The following ITIH5 variants were observed in gnomAD, a reference collection of about 807,000 sequenced individuals.
The protein encoded by ITIH5 is inter-alpha-trypsin inhibitor heavy chain H5.
In ITIH5, 65 loss-of-function variants were observed where a neutral mutation model predicts 77.5. The ratio of observed to expected loss-of-function variants is 0.84; its 90% CI spans 0.69 to 1.03. ITIH5 has a LOEUF of 1.03. Among genes scored for constraint, ITIH5 ranks in the 50% least tolerant of loss-of-function variants. ITIH5 has a pLI of 0.00. For missense variants in ITIH5, 1,208 were observed against 1,213.1 expected (o/e 1.00, Z 0.06); for synonymous variants, 525 against 494.3 (o/e 1.06, Z -0.82).
At position 7,569,665 on chromosome 10, in the gene ITIH5, T is replaced by TTG. The variant is rs1236018607; in HGVS notation, c.2149+2_2149+3insCA. The TTG allele has an allele frequency of 1.3e-6, 2 of 1,593,606 alleles. No homozygotes were observed. Among genetic ancestry groups the TTG allele is most frequent in the South Asian group, 2.3e-5 (2 of 87,826 alleles). On this transcript the variant is annotated splice_region_variant and intron_variant, in intron 12 of 13. Coordinates refer to ENST00000397146, the MANE Select transcript of ITIH5 (RefSeq NM_030569.7). ...AGATGCTGCAGCGGAAGGTAGAACT[T>TTG]ACCAGAGTCCCTGTGATCAGAGACC... is the stretch of plus-strand genomic sequence containing the variant.
chr10:7,577,026 A>T lies in ITIH5; in HGVS notation c.1419-14T>A, dbSNP rs749525309. 1 of 1,595,126 alleles carries T rather than the reference A, an allele frequency of 6.3e-7. No homozygotes were observed. The highest frequency in any genetic ancestry group is 2.2e-5 in the East Asian group (1 of 44,592). On this transcript the variant is annotated splice_polypyrimidine_tract_variant and intron_variant, in intron 9 of 13. Coordinates refer to ENST00000397146, the MANE Select transcript of ITIH5 (RefSeq NM_030569.7). ...TCATCGTAGAACCTGCAGTGGAAGC[A>T]CAGGGAGGGAGGGAGATCAGGGCCC...
chr10:7,610,744 T>C (rs1039109122), intron 7 of ITIH5, among the ~76,000 whole-genome samples: 12 of 152,220 alleles, frequency 7.9e-5, no homozygotes, highest in Non-Finnish European at 1.5e-4. Context: ...ACTGCAAAAA[T>C]AGTCCGCAGA....
chr10:7,561,320 G>C lies in ITIH5; in HGVS notation c.*1763C>G, dbSNP rs1832035819. On this transcript the variant is annotated 3_prime_UTR_variant, in exon 14 of 14. Coordinates refer to ENST00000397146, the MANE Select transcript of ITIH5 (RefSeq NM_030569.7). ...GATCACTGCTCCAAGTGCTCCACAG[G>C]GGACAGGGCCACCTGGCTCCAGGGC... 6.6e-6 allele frequency: 1 copy of C among 152,254 alleles called. No individual in the cohort carries two copies. The highest frequency in any genetic ancestry group is 2.1e-4 in the South Asian group (1 of 4,834). The allele number at this position is 152,254 out of a possible 1,614,324, so 9.4% of individuals were successfully genotyped here.
intron 1 of ITIH5, among the ~76,000 whole-genome samples, chr10:7,656,223 C>A (rs1588431612): frequency 6.6e-6 from 1 of 152,070 alleles, no homozygotes; most frequent in Non-Finnish European, 1.5e-5. Context: ...GTGATGAAAT[C>A]GTCTTTTTTT....
At chr10:7,628,882 CGTGTGTCCGTGT>C (rs1564269164) in intron 5 of ITIH5, among the ~76,000 whole-genome samples, 2 of 133,748 alleles carry the variant, frequency 1.5e-5, no homozygotes, top group African/African-American at 5.6e-5. Flanking sequence ...CGTGTTGTAG[CGTGTGTCCGTGT>C]TGTGGCATGC....
At chr10:7,631,445 G>A (rs1459861996) in intron 5 of ITIH5, among the ~76,000 whole-genome samples, 1 of 152,200 alleles carries the variant, frequency 6.6e-6, no homozygotes, top group Non-Finnish European at 1.5e-5. Flanking sequence ...AGGGACTCAA[G>A]TACCTTTAAG....
rs1348084337 is a variant in ITIH5 at position 7,576,555 on chromosome 10, GC to G, written c.1875del (p.Pro626ArgfsTer65). 1 of 1,613,534 alleles carries G rather than the reference GC, an allele frequency of 6.2e-7. No individual in the cohort carries two copies. The highest frequency in any genetic ancestry group is 8.5e-7 in the Non-Finnish European group (1 of 1,180,004). On this transcript the variant is annotated frameshift_variant, in exon 10 of 14. Transcript: ENST00000397146. LOFTEE classifies it high-confidence loss of function. ...TCCAGGCCATCCATGCGTGGGACCG[GC>G]CCCCTCAGCTTCATGGAGGTGAAGG... Reference protein sequence around the residue: ...LTPFTSMKLRGPVPRMDGLEE... With the variant: ...LTPFTSMKLRXPVPRMDGLEE...
chr10:7,661,311 G>A (rs963390826), intron 1 of ITIH5, among the ~76,000 whole-genome samples: 4 of 152,150 alleles, frequency 2.6e-5, no homozygotes, highest in Non-Finnish European at 1.5e-5. Context: ...CTGAAGTCAT[G>A]CGTTCCTAGA....
At chr10:7,650,360 T>G (rs1431481362) in intron 2 of ITIH5, among the ~76,000 whole-genome samples, 1 of 152,216 alleles carries the variant, frequency 6.6e-6, no homozygotes, top group East Asian at 1.9e-4. Flanking sequence ...CCCTTTGTTT[T>G]AGAGAGAAGG....
intron 5 of ITIH5, chr10:7,619,696 T>G (rs1833440960): frequency 9.2e-6 from 2 of 218,056 alleles, no homozygotes; most frequent in Non-Finnish European, 2.1e-5. Flanking sequence ...AGCGCCGGAC[T>G]TTTAAACCAT....
rs1393417247 is a variant in ITIH5 at position 7,559,359 on chromosome 10, A to G, written c.*3724T>C. ...ACAGACCAATATGTTGTTTGTTTTTATGCATCGTTCTCTTATAAATTTTTT... is the reference window on the plus strand; with the variant it reads ...ACAGACCAATATGTTGTTTGTTTTTGTGCATCGTTCTCTTATAAATTTTTT... On this transcript the variant is annotated 3_prime_UTR_variant, in exon 14 of 14. Transcript: ENST00000397146. 2 of 148,538 alleles carry G rather than the reference A, an allele frequency of 1.3e-5. No individual in the cohort carries two copies. The highest frequency in any genetic ancestry group is 2.9e-5 in the Non-Finnish European group (2 of 68,040). The allele number at this position is 148,538 out of a possible 1,614,324, so 9.2% of individuals were successfully genotyped here.
At chr10:7,650,296 T>A (rs148806442) in intron 2 of ITIH5, among the ~76,000 whole-genome samples, 1 of 152,338 alleles carries the variant, frequency 6.6e-6, no homozygotes, top group African/African-American at 2.4e-5. Flanking sequence ...TTAGCAACCA[T>A]GAGAAGTCAT....
intron 7 of ITIH5, among the ~76,000 whole-genome samples, chr10:7,612,257 G>A (rs1020310692): frequency 1.3e-5 from 2 of 152,066 alleles, no homozygotes; most frequent in Non-Finnish European, 2.9e-5. Context: ...GCAGCTACAC[G>A]CTCCCATATG....
rs76856358 is a variant in ITIH5 at position 7,645,174 on chromosome 10, G to A, written c.136-3084C>T. On this transcript the variant is annotated intron_variant, in intron 2 of 13. Transcript: ENST00000397146. ...ACAAATGGAACAGCTTAACGAAAAC[G>A]TTAGGGGGATGTGCATCTTTCTTAG... Among the ~76,000 whole-genome samples, 5 of 151,764 alleles carry A rather than the reference G, an allele frequency of 3.3e-5. No homozygotes were observed. The South Asian group carries it at 6.2e-4, about 19-fold the overall frequency.
At chr10:7,606,799 G>T (rs1476577215) in intron 7 of ITIH5, among the ~76,000 whole-genome samples, 1 of 152,068 alleles carries the variant, frequency 6.6e-6, no homozygotes, top group Non-Finnish European at 1.5e-5. Flanking sequence ...ACTTCATCCG[G>T]GTAAATCTTA....
chr10:7,644,552 T>TATATCACATATATATCATAC (rs1833951717), intron 2 of ITIH5, among the ~76,000 whole-genome samples: 1 of 136,114 alleles, frequency 7.3e-6, no homozygotes, highest in Non-Finnish European at 1.5e-5. Flanking sequence ...ATATATGATA[T>TATATCACATATATATCATAC]ATCACATATA....
intron 10 of ITIH5, among the ~76,000 whole-genome samples, chr10:7,574,650 G>A (rs1042504863): frequency 1.5e-4 from 23 of 151,814 alleles, no homozygotes; most frequent in Non-Finnish European, 8.8e-5. Context: ...AAAATTAGCC[G>A]GGCGCGGTGG....
Position 7,617,158 on chromosome 10 carries a change from G to A in ITIH5, c.777C>T (p.Ile259=), listed in dbSNP as rs1276996967. 1 of 1,604,292 alleles carries A rather than the reference G, an allele frequency of 6.2e-7. No individual in the cohort carries two copies. Residue 259 remains isoleucine, a synonymous_variant, in exon 6 of 14, where the codon ATC becomes ATT. Transcript: ENST00000397146. ...GTTCTCTATTGACGTCATATCTAAT[G>A]ATAAAGTCTCCCAAAATTCCATTCT... The part of the protein sequence containing the change: ...IAQNGILGDF[I]IRYDVNREQS...
chr10:7,576,712 G>C lies in ITIH5; in HGVS notation c.1719C>G (p.Ile573Met). ...GGDGEGDTNH[I>M]ERLWSYLTTK... ...TGGTGAGGTAGCTCCAGAGACGCTC[G>C]ATGTGGTTGGTGTCCCCCTCTCCAT... Residue 573 changes from isoleucine to methionine, a missense_variant, in exon 10 of 14, where the codon ATC becomes ATG. Physicochemically the swap from Ile to Met is conservative, Grantham distance 10. Transcript: ENST00000397146. 9 of 1,614,058 alleles carry C rather than the reference G, an allele frequency of 5.6e-6. No homozygotes were observed. The highest frequency in any genetic ancestry group is 7.6e-6 in the Non-Finnish European group (9 of 1,180,004).
Sources: allele counts gnomAD v4.1 joint callset (sites outside exome capture counted in the v4.1 genomes callset), GRCh38; gene constraint gnomAD v4.1.1; transcripts MANE v1.5; gene names NCBI Gene and HGNC (gene_info 2026-07-23, HGNC 2026-07-21).